EDN2: variants seen among roughly 807,000 people sequenced by gnomAD.
The protein encoded by EDN2 is endothelin-2.
A neutral mutation model predicts 19.9 loss-of-function variants in EDN2; 10 were observed. That is an observed-to-expected ratio of 0.50 (90% CI 0.31 to 0.85). The LOEUF is 0.85. Among genes scored for constraint, EDN2 ranks in the 40% least tolerant of loss-of-function variants. EDN2 has a pLI of 0.05. For synonymous variants in EDN2, 84 were observed against 94.9 expected (o/e 0.89, Z 0.67); for missense variants, 222 against 239.3 (o/e 0.93, Z 0.48).
intron 4 of EDN2, 126 bp from the exon 5 acceptor site, chr1:41,479,628 T>G (rs1644230523): frequency 1.3e-6 from 1 of 772,374 alleles, no homozygotes; most frequent in Non-Finnish European, 2.1e-6. Context: ...GGCCCTGGGG[T>G]CAGACAGTGA....
rs1366057213 is a variant in EDN2 at position 41,481,146 on chromosome 1, A to G, written c.392T>C (p.Phe131Ser). Reference sequence around the variant, plus strand: ...AGTGGCCCCTGTCTTGCCAGTCTGGAACACGTCTGCAGGGGACTTCCGGCT... The same window carrying G: ...AGTGGCCCCTGTCTTGCCAGTCTGGGACACGTCTGCAGGGGACTTCCGGCT... Reference protein sequence around the residue: ...VPSRKSPADVFQTGKTGATTG... With the variant: ...VPSRKSPADVSQTGKTGATTG... The change falls in exon 4 of 5, where the codon TTC becomes TCC. Residue 131 changes from phenylalanine to serine, a missense_variant. Physicochemically the swap from Phe to Ser is radical, Grantham distance 155 (BLOSUM62 -2). Coordinates refer to ENST00000372587, the MANE Select transcript of EDN2 (RefSeq NM_001956.5). 3 of 1,613,820 alleles carry G rather than the reference A, an allele frequency of 1.9e-6. No individual in the cohort carries two copies. In the African/African-American group the frequency reaches 4.0e-5, roughly 22 times the overall value.
At position 41,482,375 on chromosome 1, in the gene EDN2, G is replaced by A. The variant is rs1228369789; in HGVS notation, c.344+91C>T. The A allele has an allele frequency of 7.2e-6, 10 of 1,394,312 alleles. No homozygotes were observed. The African/African-American group carries it at 1.1e-4, about 15-fold the overall frequency. The allele number at this position is 1,394,312 out of a possible 1,614,324, so 86.4% of individuals were successfully genotyped here. On this transcript the variant is annotated intron_variant, in intron 3 of 4. Transcript: ENST00000372587. ...CTTCTCACCCCCAACTTGCCAGTTC[G>A]CTCCTCTGCTAGTCTCCCAGACACC...
chr1:41,480,309 G>A (rs1378163009), intron 4 of EDN2, among the ~76,000 whole-genome samples: 1 of 152,154 alleles, frequency 6.6e-6, no homozygotes, highest in Non-Finnish European at 1.5e-5. Flanking sequence ...GGCTGAGCTG[G>A]GCCCTGGGAC....
chr1:41,483,474 C>T (rs888325503), intron 2 of EDN2, among the ~76,000 whole-genome samples: 4 of 152,196 alleles, frequency 2.6e-5, no homozygotes, highest in Non-Finnish European at 2.9e-5. Context: ...CGGGTGCAGG[C>T]GGAACAGACA....
chr1:41,480,775 C>T (rs1164013045), intron 4 of EDN2: 1 of 530,420 alleles, frequency 1.9e-6, no homozygotes, highest in Non-Finnish European at 3.6e-6. Context: ...CCTCTGGACC[C>T]CAGCATGTGT....
chr1:41,479,441 G>A lies in EDN2; in HGVS notation c.505C>T (p.Arg169Trp), dbSNP rs776419313. Residue 169 changes from arginine to tryptophan, a missense_variant, in exon 5 of 5, where the codon CGG becomes TGG. By Grantham distance (101) the Arg-to-Trp change is moderately radical. Transcript: ENST00000372587. ...KRQQEAMREP[R>W]STHSRWRKR is the part of the protein sequence containing the mutation. ...TTCCTCCACCTGGAATGTGTGGACC[G>A]AGGCTCCCGCATGGCCTCCTGTTGT... 1.1e-5 allele frequency: 18 copies of A among 1,613,998 alleles called. No individual in the cohort carries two copies. Among genetic ancestry groups the A allele is most frequent in the East Asian group, 2.2e-5 (1 of 44,868 alleles).
chr1:41,483,304 C>T (rs530890875), intron 2 of EDN2, among the ~76,000 whole-genome samples: 43 of 152,362 alleles, frequency 2.8e-4, no homozygotes, highest in African/African-American at 1.0e-3. Flanking sequence ...CACGCAGGGA[C>T]TGGCAGGGTT....
chr1:41,482,154 C>T (rs1026571511), intron 3 of EDN2, among the ~76,000 whole-genome samples: 1 of 152,268 alleles, frequency 6.6e-6, no homozygotes, highest in African/African-American at 2.4e-5. Context: ...AGCTATGCAG[C>T]CTGACGTGTC....
At chr1:41,483,967 G>A (rs1479669498) in intron 2 of EDN2, 80 bp downstream of exon 2, 24 of 1,441,646 alleles carry the variant, frequency 1.7e-5, no homozygotes, top group Non-Finnish European at 2.1e-5. Context: ...ATGTGTCAAC[G>A]TTCCCTAGCA....
At position 41,479,329 on chromosome 1, in the gene EDN2, G is replaced by A. The variant is rs769673097; in HGVS notation, c.*80C>T. The A allele has an allele frequency of 3.3e-6, 4 of 1,228,132 alleles. No individual in the cohort carries two copies. The East Asian group carries it at 9.6e-5, about 30-fold the overall frequency. 76.1% of individuals were successfully genotyped at this position (1,228,132 alleles called of 1,614,324 possible). A position where few individuals can be genotyped will look rare whatever the true frequency, so the allele number is the denominator to read the frequency against. On this transcript the variant is annotated 3_prime_UTR_variant, in exon 5 of 5. Coordinates refer to ENST00000372587, the MANE Select transcript of EDN2 (RefSeq NM_001956.5). ...AAGGCCCCGGTCCAGGAAGCAGGCAGAGAGTCCACAAGCCCTGGCCACTTC... is the reference window on the plus strand; with the variant it reads ...AAGGCCCCGGTCCAGGAAGCAGGCAAAGAGTCCACAAGCCCTGGCCACTTC...
intron 1 of EDN2, 91 bp from the exon 2 acceptor site, chr1:41,484,294 G>T: frequency 6.8e-7 from 1 of 1,481,050 alleles, no homozygotes; most frequent in Non-Finnish European, 9.1e-7. Flanking sequence ...CCCTCCTCTT[G>T]CATAATCGAG....
chr1:41,484,073 C>A lies in EDN2; in HGVS notation c.195G>T (p.Leu65Phe). 3.1e-6 allele frequency: 5 copies of A among 1,611,866 alleles called. No homozygotes were observed. Among genetic ancestry groups the A allele is most frequent in the Non-Finnish European group, 4.2e-6 (5 of 1,179,118 alleles). Reference protein sequence around the residue: ...LDKECVYFCHLDIIWVNTPEQ... With the variant: ...LDKECVYFCHFDIIWVNTPEQ... ...CAGGAGTGTTCACCCAGATGATGTC[C>A]AAGTGGCAGAAGTAGACGCACTCCT... The change falls in exon 2 of 5, where the codon TTG (leucine) becomes TTT (phenylalanine). Residue 65 changes from leucine to phenylalanine, a missense_variant. Leu to Phe is a conservative substitution (Grantham distance 22). Coordinates refer to ENST00000372587, the MANE Select transcript of EDN2 (RefSeq NM_001956.5).
rs201905094 is a variant in EDN2 at position 41,482,497 on chromosome 1, C to A, written c.313G>T (p.Ala105Ser). 6.2e-7 allele frequency: 1 copy of A among 1,600,690 alleles called. No homozygotes were observed. Among genetic ancestry groups the A allele is most frequent in the Non-Finnish European group, 8.5e-7 (1 of 1,174,210 alleles). Reference sequence around the variant, plus strand: ...CTTCGAAGGCAGAAGGTGGCACAGGCGGGGTCCCTGGCACTGGAGCACTGA... The same window carrying A: ...CTTCGAAGGCAGAAGGTGGCACAGGAGGGGTCCCTGGCACTGGAGCACTGA... The part of the protein sequence containing the change: ...RCQCSSARDP[A>S]CATFCLRRPW... The change falls in exon 3 of 5, where the codon GCC (alanine) becomes TCC (serine). Residue 105 changes from alanine to serine, a missense_variant. Coordinates refer to ENST00000372587, the MANE Select transcript of EDN2 (RefSeq NM_001956.5).
chr1:41,479,948 C>G (rs11572366), intron 4 of EDN2, among the ~76,000 whole-genome samples: 1 of 152,332 alleles, frequency 6.6e-6, no homozygotes, highest in East Asian at 1.9e-4. Flanking sequence ...AACAGGGCAC[C>G]CCGCTGCCCT....
intron 4 of EDN2, 137 bp from the exon 5 acceptor site, chr1:41,479,639 C>T (rs1016160105): frequency 7.1e-6 from 5 of 704,448 alleles, no homozygotes; most frequent in Non-Finnish European, 1.2e-5. Context: ...CAGACAGTGA[C>T]CACAGCCTGA....
At chr1:41,482,704 C>T (rs1644259024) in intron 2 of EDN2, 116 bp from the exon 3 acceptor site, 8 of 1,337,474 alleles carry the variant, frequency 6.0e-6, no homozygotes, top group Non-Finnish European at 7.7e-6. Context: ...CAGGGACTGT[C>T]CACACTGCCC....
In EDN2 at chr1:41,482,094, A is replaced by G. The variant is rs11572358; in HGVS notation, c.344+372T>C. Among the ~76,000 whole-genome samples, 647 of 152,316 alleles carry G rather than the reference A, an allele frequency of 4.2e-3. 9 individuals are homozygous for G. Among genetic ancestry groups the G allele is most frequent in the African/African-American group, 0.013 (545 of 41,574 alleles). On this transcript the variant is annotated intron_variant, in intron 3 of 4. Transcript: ENST00000372587. ...CTCAGGTCGGAATCCAAAGCCCAGT[A>G]GGACTCGATCAGACAGACTCAGGCC...
chr1:41,479,372 G>A lies in EDN2; in HGVS notation c.*37C>T, dbSNP rs372858066. The A allele has an allele frequency of 2.0e-4, 316 of 1,552,570 alleles. 1 individual carries two copies. The highest frequency in any genetic ancestry group is 3.3e-4 in the South Asian group (30 of 89,706). ...GCCACTTCTCTCCTCCTCTCTCCCC[G>A]CGGGCTTCCTTCCCAATGTTCCTCC... On this transcript the variant is annotated 3_prime_UTR_variant, in exon 5 of 5. Transcript: ENST00000372587.
chr1:41,482,646 A>C, intron 2 of EDN2, 58 bp from the exon 3 acceptor site: 3 of 1,499,442 alleles, frequency 2.0e-6, no homozygotes, highest in Non-Finnish European at 2.7e-6. Flanking sequence ...AGAGAGAGAG[A>C]AAAAAATAAA....
Sources: gnomAD v4.1 joint callset for allele counts (sites outside exome capture counted in the v4.1 genomes callset) on GRCh38, gnomAD v4.1.1 for gene constraint, MANE v1.5 for transcripts, NCBI Gene and HGNC (gene_info 2026-07-23, HGNC 2026-07-21) for gene names.